The following NGEF variants were observed in gnomAD, a reference collection of about 807,000 sequenced individuals.
NGEF encodes neuronal guanine nucleotide exchange factor, also known as ephexin-1.
Under a neutral mutation model 80.9 loss-of-function variants are expected in NGEF, and 31 were observed. The observed-to-expected ratio is 0.38, with a 90% CI of 0.29 to 0.52. The LOEUF is 0.52. NGEF is among the 20% of genes least tolerant of loss of function. The pLI, the probability that NGEF is intolerant of heterozygous loss-of-function variation, is 0.84. For missense variants in NGEF, 709 were observed against 926.2 expected (o/e 0.77, Z 3.04); for synonymous variants, 371 against 370.2 (o/e 1.00, Z -0.03).
chr2:232,899,255 C>T (rs551945142), intron 5 of NGEF, among the ~76,000 whole-genome samples: 1 of 140,882 alleles, frequency 7.1e-6, no homozygotes, highest in Non-Finnish European at 1.6e-5. Flanking sequence ...TGTGAACGTA[C>T]GTGTCACTAC....
chr2:232,958,017 A>C (rs1693865530), intron 3 of NGEF, among the ~76,000 whole-genome samples: 1 of 152,252 alleles, frequency 6.6e-6, no homozygotes. Flanking sequence ...TCACAGATAG[A>C]AAATTCAAAC....
At position 232,893,008 on chromosome 2, in the gene NGEF, G is replaced by A. The variant is rs1417025146; in HGVS notation, c.1032C>T (p.Val344=). The A allele has an allele frequency of 1.9e-6, 3 of 1,613,352 alleles. No individual in the cohort carries two copies. Among genetic ancestry groups the A allele is most frequent in the Non-Finnish European group, 2.5e-6 (3 of 1,179,896 alleles). The change falls in exon 7 of 15, where the codon GTC becomes GTT. Residue 344 remains valine (V), a synonymous_variant. Transcript: ENST00000264051. The part of the protein sequence containing the change: ...ELEHRMEENI[V]ISDVCDIVYR... The stretch of plus-strand genomic sequence containing the variant: ...ACACAATGTCACACACGTCAGAGAT[G>A]ACGATGTTCTCCTCCATCCGGTGCT...
chr2:232,905,437 G>C (rs1287456733), intron 5 of NGEF, among the ~76,000 whole-genome samples: 1 of 152,076 alleles, frequency 6.6e-6, no homozygotes, highest in African/African-American at 2.4e-5. Flanking sequence ...GCAGTGGCGT[G>C]ATCTCGGCTC....
chr2:232,890,811 A>G, intron 8 of NGEF: 1 of 432,850 alleles, frequency 2.3e-6, no homozygotes, highest in South Asian at 1.7e-5. Context: ...CGATCAGGTG[A>G]CTCCCATCAC....
chr2:232,978,918 A>G (rs958930847), intron 1 of NGEF, among the ~76,000 whole-genome samples: 1 of 152,178 alleles, frequency 6.6e-6, no homozygotes, highest in African/African-American at 2.4e-5. Flanking sequence ...GGGTTTTGCC[A>G]TGCTGCCCAG....
At chr2:232,915,689 C>CTATT (rs937720891) in intron 5 of NGEF, among the ~76,000 whole-genome samples, 6 of 151,928 alleles carry the variant, frequency 3.9e-5, no homozygotes, top group African/African-American at 1.5e-4. Context: ...AGATTCTGCT[C>CTATT]TATTTATTTA....
chr2:232,925,958 T>G (rs1408999450), intron 4 of NGEF, among the ~76,000 whole-genome samples: 1 of 152,082 alleles, frequency 6.6e-6, no homozygotes, highest in Non-Finnish European at 1.5e-5. Context: ...CAGCATGCAG[T>G]GTGCGCTCCA....
At chr2:232,923,057 C>T (rs1372739308) in intron 4 of NGEF, among the ~76,000 whole-genome samples, 1 of 150,082 alleles carries the variant, frequency 6.7e-6, no homozygotes, top group Non-Finnish European at 1.5e-5. Flanking sequence ...GCGAAAACAG[C>T]GAAACTCCAT....
intron 3 of NGEF, among the ~76,000 whole-genome samples, chr2:232,958,724 T>TA (rs1240304429): frequency 1.3e-5 from 2 of 152,100 alleles, no homozygotes; most frequent in South Asian, 2.1e-4. Context: ...AAACAAGCTT[T>TA]AAAAAAATAA....
chr2:232,915,475 A>G (rs1160549733), intron 5 of NGEF, among the ~76,000 whole-genome samples: 3 of 152,094 alleles, frequency 2.0e-5, no homozygotes, highest in Admixed American at 6.6e-5. Flanking sequence ...CTGCATCTCA[A>G]CTGGATTCAT....
In NGEF at chr2:232,955,178, G is replaced by T. The variant is rs1375064469; in HGVS notation, c.383+15036C>A. On this transcript the variant is annotated intron_variant, in intron 3 of 14. Transcript: ENST00000264051. The stretch of plus-strand genomic sequence containing the variant: ...ACATTTTAAAAGAATACTGAAAATT[G>T]CAAGTAAAGTACAGTACAAATAACT... Among the ~76,000 whole-genome samples, 7 of 152,224 alleles carry T rather than the reference G, an allele frequency of 4.6e-5. No homozygotes were observed. The East Asian group carries it at 1.4e-3, about 29-fold the overall frequency.
intron 9 of NGEF, among the ~76,000 whole-genome samples, chr2:232,887,021 G>A (rs568744000): frequency 9.1e-4 from 139 of 152,362 alleles, no homozygotes; most frequent in Middle Eastern, 6.8e-3. Context: ...GGAGTGGCCC[G>A]AGGTGGGAAC....
At chr2:232,888,303 T>C (rs1328218889) in intron 8 of NGEF, among the ~76,000 whole-genome samples, 196 bp from the exon 9 acceptor site, 1 of 151,088 alleles carries the variant, frequency 6.6e-6, no homozygotes. Flanking sequence ...CACACGTGCA[T>C]ACATGCTCGC....
chr2:232,990,728 C>T (rs1694634186), intron 1 of NGEF, among the ~76,000 whole-genome samples: 1 of 151,892 alleles, frequency 6.6e-6, no homozygotes, highest in Non-Finnish European at 1.5e-5. Flanking sequence ...TAGAAGAGGC[C>T]TCACAAACAT....
intron 5 of NGEF, among the ~76,000 whole-genome samples, chr2:232,909,769 C>T (rs940475010): frequency 6.6e-6 from 1 of 152,160 alleles, no homozygotes; most frequent in Non-Finnish European, 1.5e-5. Context: ...TTGCCATGCT[C>T]CCCGCATCCT....
intron 5 of NGEF, among the ~76,000 whole-genome samples, chr2:232,908,517 G>T: frequency 6.6e-6 from 1 of 151,738 alleles, no homozygotes; most frequent in South Asian, 2.1e-4. Flanking sequence ...TAGTGAGTTT[G>T]ATTTTTTTTC....
chr2:232,891,495 CACAG>C lies in NGEF; in HGVS notation c.1143-12_1143-9del. On this transcript the variant is annotated splice_polypyrimidine_tract_variant and intron_variant, in intron 7 of 14. Transcript: ENST00000264051. ...AAAGCTGCCTTCTCCTGGCTGGGGACACAGACAGGTGGAGTAGGTCTCTGAGCTG... is the reference window on the plus strand; with the variant it reads ...AAAGCTGCCTTCTCCTGGCTGGGGACACAGGTGGAGTAGGTCTCTGAGCTG... The C allele has an allele frequency of 1.2e-6, 2 of 1,611,308 alleles. No individual in the cohort carries two copies. Among genetic ancestry groups the C allele is most frequent in the South Asian group, 1.1e-5 (1 of 90,752 alleles).
At chr2:232,928,927 T>A (rs750282839) in intron 3 of NGEF, among the ~76,000 whole-genome samples, 1 of 152,144 alleles carries the variant, frequency 6.6e-6, no homozygotes, top group Non-Finnish European at 1.5e-5. Flanking sequence ...GAGCGAGGCC[T>A]GGAGGTGCCT....
At chr2:232,958,224 G>A (rs1381330204) in intron 3 of NGEF, among the ~76,000 whole-genome samples, 2 of 152,144 alleles carry the variant, frequency 1.3e-5, no homozygotes, top group South Asian at 2.1e-4. Flanking sequence ...TACTAGGGGA[G>A]GTGGAGAAAT....
Sources: allele counts gnomAD v4.1 joint callset (sites outside exome capture counted in the v4.1 genomes callset), GRCh38; gene constraint gnomAD v4.1.1; transcripts MANE v1.5; gene names NCBI Gene and HGNC (gene_info 2026-07-23, HGNC 2026-07-21).